KLF12: variants seen among roughly 807,000 people sequenced by gnomAD.
KLF12 encodes Krueppel-like factor 12.
A neutral mutation model predicts 37.8 loss-of-function variants in KLF12; 9 were observed. That is an observed-to-expected ratio of 0.24 (90% CI 0.14 to 0.42). The LOEUF is 0.42. Among genes scored for constraint, KLF12 ranks in the 10% least tolerant of loss-of-function variants. KLF12 has a pLI of 1.00. For missense variants in KLF12, 411 were observed against 516.0 expected (o/e 0.80, Z 1.97); for synonymous variants, 208 against 202.1 (o/e 1.03, Z -0.25).
intron 5 of KLF12, among the ~76,000 whole-genome samples, chr13:73,797,009 T>C (rs1030888511): frequency 1.3e-5 from 2 of 152,172 alleles, no homozygotes; most frequent in African/African-American, 4.8e-5. Flanking sequence ...GTCTAGGGGT[T>C]TGGAGGAAGC....
chr13:73,770,227 C>T (rs577863173), intron 5 of KLF12, among the ~76,000 whole-genome samples: 46 of 152,180 alleles, frequency 3.0e-4, no homozygotes, highest in Non-Finnish European at 5.7e-4. Context: ...TTCTTACACT[C>T]GGTTGTACTG....
intron 2 of KLF12, chr13:73,961,906 G>C (rs1428542147): frequency 2.4e-6 from 1 of 417,022 alleles, no homozygotes; most frequent in African/African-American, 2.1e-5. Context: ...ATGCAAAATG[G>C]GCAGCCACTT....
chr13:74,022,276 T>A (rs1386835558), intron 1 of KLF12, among the ~76,000 whole-genome samples: 1 of 152,110 alleles, frequency 6.6e-6, no homozygotes, highest in Non-Finnish European at 1.5e-5. Flanking sequence ...TTGGAAATAA[T>A]CACATAATAC....
intron 3 of KLF12, among the ~76,000 whole-genome samples, chr13:73,912,338 G>T (rs927004083): frequency 6.6e-6 from 1 of 152,116 alleles, no homozygotes; most frequent in Non-Finnish European, 1.5e-5. Flanking sequence ...TCTCCAAAAT[G>T]ATATGTTGAA....
chr13:73,805,650 GAGGAAGGAAGGA>G (rs1164051826), intron 5 of KLF12, among the ~76,000 whole-genome samples: 2,463 of 36,732 alleles, frequency 0.067, 219 homozygotes, highest in Admixed American at 0.12. Context: ...GGGAGGGAGG[GAGGAAGGAAGGA>G]AGGAAGGAAG....
intron 2 of KLF12, among the ~76,000 whole-genome samples, chr13:73,973,337 T>C (rs1891398519): frequency 1.3e-5 from 2 of 152,218 alleles, no homozygotes; most frequent in African/African-American, 4.8e-5. Flanking sequence ...CTTCCTGCCA[T>C]TCTGCTCAAA....
the KLF12 span, among the ~76,000 whole-genome samples, chr13:74,222,149 T>C: frequency 6.6e-6 from 1 of 152,366 alleles, no homozygotes; most frequent in South Asian, 2.1e-4. Context: ...TCCACAGCCA[T>C]GATCCCAATT....
chr13:73,722,587 T>C (rs562171024), intron 6 of KLF12, among the ~76,000 whole-genome samples: 1 of 152,358 alleles, frequency 6.6e-6, no homozygotes, highest in African/African-American at 2.4e-5. Flanking sequence ...CACAGAAAAC[T>C]ACTTTTGAAC....
chr13:74,154,287 TATAAAC>T, the KLF12 span, among the ~76,000 whole-genome samples: 1 of 152,170 alleles, frequency 6.6e-6, no homozygotes, highest in African/African-American at 2.4e-5. Context: ...GGTAAAAACT[TATAAAC>T]ATAAATTGTA....
chr13:74,172,146 C>CACACACAT, the KLF12 span, among the ~76,000 whole-genome samples: 1 of 151,522 alleles, frequency 6.6e-6, no homozygotes, highest in Non-Finnish European at 1.5e-5. Flanking sequence ...CCTCACGACA[C>CACACACAT]ACACACACAC....
At chr13:73,751,321 G>T (rs1277625482) in intron 6 of KLF12, among the ~76,000 whole-genome samples, 1 of 152,158 alleles carries the variant, frequency 6.6e-6, no homozygotes, top group Non-Finnish European at 1.5e-5. Flanking sequence ...TGTTCGTACT[G>T]TTTTCCATAG....
At chr13:73,974,401 A>AT (rs143964425) in intron 2 of KLF12, among the ~76,000 whole-genome samples, 3,120 of 152,222 alleles carry the variant, frequency 0.02, 91 homozygotes, top group African/African-American at 0.071. Flanking sequence ...TCACCCTTCC[A>AT]TTAGGAACAC....
Position 73,995,068 on chromosome 13 carries a change from CAA to C in KLF12, c.-31-17_-31-16del, listed in dbSNP as rs1224672602. ...TCACATTGATCCTGCAAGAAAAACA[CAA>C]AGACAAATGATGAGAGAAAGTTCTA... On this transcript the variant is annotated splice_polypyrimidine_tract_variant and intron_variant, in intron 1 of 7. Transcript: ENST00000377669. The C allele has an allele frequency of 6.4e-7, 1 of 1,567,330 alleles. No individual in the cohort carries two copies. Among genetic ancestry groups the C allele is most frequent in the Non-Finnish European group, 8.7e-7 (1 of 1,147,204 alleles).
intron 4 of KLF12, among the ~76,000 whole-genome samples, chr13:73,826,666 C>T (rs1394255976): frequency 1.3e-5 from 2 of 151,148 alleles, no homozygotes; most frequent in Admixed American, 6.6e-5. Context: ...GGTGTATATC[C>T]TTCCCATTCA....
At chr13:74,124,051 C>G (rs935175336) in intron 1 of KLF12, among the ~76,000 whole-genome samples, 1 of 152,154 alleles carries the variant, frequency 6.6e-6, no homozygotes, top group Non-Finnish European at 1.5e-5. Flanking sequence ...TCTAAACTGT[C>G]TTAATTACTG....
chr13:73,870,527 T>G (rs1343315683), intron 3 of KLF12, among the ~76,000 whole-genome samples: 1 of 152,242 alleles, frequency 6.6e-6, no homozygotes, highest in Non-Finnish European at 1.5e-5. Context: ...TAAAGGTAAC[T>G]GCCAGACGGA....
At chr13:74,257,692 T>G in the KLF12 span, 2 of 152,166 alleles carry the variant, frequency 1.3e-5, no homozygotes, top group East Asian at 3.9e-4. Flanking sequence ...GTTATATAAT[T>G]ATAAAAATGA....
chr13:73,752,237 C>A (rs1243139995), intron 6 of KLF12, among the ~76,000 whole-genome samples: 1 of 152,166 alleles, frequency 6.6e-6, no homozygotes, highest in African/African-American at 2.4e-5. Flanking sequence ...TCTGCATTGG[C>A]CTCCCAAAGT....
At chr13:74,285,180 A>ATTTT in the KLF12 span, among the ~76,000 whole-genome samples, 1 of 144,940 alleles carries the variant, frequency 6.9e-6, no homozygotes, top group African/African-American at 2.5e-5. Context: ...GCCCTACCTG[A>ATTTT]TTTTTTTTTT....
Sources: gnomAD v4.1 joint callset for allele counts (sites outside exome capture counted in the v4.1 genomes callset) on GRCh38, gnomAD v4.1.1 for gene constraint, MANE v1.5 for transcripts, NCBI Gene and HGNC (gene_info 2026-07-23, HGNC 2026-07-21) for gene names.